The following STPG1 variants were observed in gnomAD, a reference collection of about 807,000 sequenced individuals.
STPG1 encodes the protein O(6)-methylguanine-induced apoptosis 2.
A neutral mutation model predicts 40.1 loss-of-function variants in STPG1; 33 were observed. That is an observed-to-expected ratio of 0.82 (90% CI 0.62 to 1.10). The LOEUF is 1.10. Ranked by LOEUF, STPG1 falls within the 50% of genes least tolerant of loss-of-function variation. The probability of loss-of-function intolerance (pLI) is 0.00; values close to 1 mark genes in which losing one functional copy is unlikely to be tolerated. For missense variants in STPG1, 396 were observed against 415.1 expected, an observed-to-expected ratio of 0.95 and a Z score of 0.40; for synonymous variants, 150 against 155.0, an observed-to-expected ratio of 0.97 and a Z score of 0.24.
At chr1:24,411,322 A>T (rs569427910) in intron 1 of STPG1, among the ~76,000 whole-genome samples, 3 of 152,228 alleles carry the variant, frequency 2.0e-5, no homozygotes, top group South Asian at 4.1e-4. Context: ...CAGGCTTTGA[A>T]CTCAGGAAGT....
Position 24,401,304 on chromosome 1 carries a change from C to CA in STPG1, c.70+14dup, listed in dbSNP as rs1368224852. 6 of 1,613,162 alleles carry CA rather than the reference C, an allele frequency of 3.7e-6. No individual in the cohort carries two copies. The Admixed American group carries it at 1.0e-4, about 27-fold the overall frequency. On this transcript the variant is annotated intron_variant, in intron 2 of 8. Transcript: ENST00000337248. ...TATGTCAGGAGCTATCTCCTCCCTG[C>CA]AAAGACACATGTACCTTTCTGTACT...
rs753029181 is a variant in STPG1 at position 24,401,336 on chromosome 1, G to A, written c.53C>T (p.Ala18Val). The part of the protein sequence containing the change: ...NERTGKHPRR[A>V]SEVQKGFTAA... The stretch of plus-strand genomic sequence containing the variant: ...ACATGTACCTTTCTGTACTTCACTG[G>A]CACGTCTGGGATGTTTGCCAGTGCG... Residue 18 changes from alanine (A) to valine (V), a missense_variant, in exon 2 of 9, where the codon GCC becomes GTC. Ala to Val is a moderately conservative substitution (Grantham distance 64, BLOSUM62 0). Coordinates refer to ENST00000337248, the MANE Select transcript of STPG1 (RefSeq NM_001199013.2). 11 of 1,613,946 alleles carry A rather than the reference G, an allele frequency of 6.8e-6. No individual in the cohort carries two copies. The East Asian group carries it at 2.4e-4, about 36-fold the overall frequency.
intron 6 of STPG1, among the ~76,000 whole-genome samples, chr1:24,370,211 A>T (rs1280095811): frequency 6.6e-6 from 1 of 152,234 alleles, no homozygotes. Context: ...CTATAAACTA[A>T]GAATAATAAT....
At position 24,358,569 on chromosome 1, in the gene STPG1, C is replaced by T; in HGVS notation, c.979G>A (p.Asp327Asn). ...TACAGAACCGGGATCCATTTCTTGT[C>T]CTCGTTGTAGAGGAAGGACTGCTTT... is the stretch of plus-strand genomic sequence containing the variant. Reference protein sequence around the residue: ...PGKQSFLYNEDKKWIPVL With the variant: ...PGKQSFLYNENKKWIPVL The change falls in exon 9 of 9, where the codon GAC (aspartate) becomes AAC (asparagine). Residue 327 changes from aspartate to asparagine, a missense_variant. Asp to Asn is a conservative substitution (Grantham distance 23, BLOSUM62 1). Transcript: ENST00000337248. 1 of 1,614,120 alleles carries T rather than the reference C, an allele frequency of 6.2e-7. No individual in the cohort carries two copies. Among genetic ancestry groups the T allele is most frequent in the Non-Finnish European group, 8.5e-7 (1 of 1,179,980 alleles).
chr1:24,379,590 T>G, intron 5 of STPG1, 63 bp downstream of exon 5: 5 of 1,563,292 alleles, frequency 3.2e-6, no homozygotes, highest in Non-Finnish European at 4.4e-6. Flanking sequence ...GATCCCCTCT[T>G]CCTTTTATTT....
chr1:24,362,288 C>T (rs1371244166), intron 7 of STPG1, among the ~76,000 whole-genome samples: 5 of 152,180 alleles, frequency 3.3e-5, no homozygotes, highest in Non-Finnish European at 5.9e-5. Context: ...TCCGGAGAGA[C>T]AAAGTAACCG....
rs1640805474 is a variant in STPG1 at position 24,357,565 on chromosome 1, T to C, written c.*978A>G. 6.4e-6 allele frequency: 1 copy of C among 155,660 alleles called. No homozygotes were observed. The highest frequency in any genetic ancestry group is 1.4e-5 in the Non-Finnish European group (1 of 69,766). 9.6% of individuals were successfully genotyped at this position (155,660 alleles called of 1,614,324 possible). On this transcript the variant is annotated 3_prime_UTR_variant, in exon 9 of 9. Coordinates refer to ENST00000337248, the MANE Select transcript of STPG1 (RefSeq NM_001199013.2). ...GTGTGCAGTCAAGGCTGAGAACCAC[T>C]TCTCTGGAGAGGCCACAGTTGTACA...
intron 2 of STPG1, among the ~76,000 whole-genome samples, chr1:24,396,391 C>T (rs1223393346): frequency 6.6e-6 from 1 of 152,076 alleles, no homozygotes; most frequent in African/African-American, 2.4e-5. Flanking sequence ...TTCATTGCAG[C>T]CTTGACCTCC....
intron 3 of STPG1, among the ~76,000 whole-genome samples, chr1:24,389,495 T>G (rs963961579): frequency 2.6e-4 from 40 of 152,122 alleles, no homozygotes; most frequent in African/African-American, 9.7e-4. Flanking sequence ...AACATTTACT[T>G]TGAGCCTCTT....
intron 3 of STPG1, 58 bp downstream of exon 3, chr1:24,391,503 G>T: frequency 8.9e-7 from 1 of 1,117,630 alleles, no homozygotes; most frequent in Non-Finnish European, 1.3e-6. Flanking sequence ...GAACGTGCCT[G>T]TCCCGCAAGG....
At chr1:24,386,970 G>A (rs1400057114) in intron 3 of STPG1, among the ~76,000 whole-genome samples, 1 of 152,042 alleles carries the variant, frequency 6.6e-6, no homozygotes, top group African/African-American at 2.4e-5. Flanking sequence ...CACATAAAGT[G>A]GGTGGAACAG....
At chr1:24,409,168 T>C (rs1643520674) in intron 1 of STPG1, among the ~76,000 whole-genome samples, 1 of 152,094 alleles carries the variant, frequency 6.6e-6, no homozygotes, top group South Asian at 2.1e-4. Context: ...ATGACCAGCC[T>C]GGGAAACATG....
In STPG1 at chr1:24,357,447, C is replaced by A. The variant is rs1174064974; in HGVS notation, c.*1096G>T. 1 of 152,580 alleles carries A rather than the reference C, an allele frequency of 6.6e-6. No homozygotes were observed. The highest frequency in any genetic ancestry group is 6.5e-5 in the Admixed American group (1 of 15,294). 9.5% of individuals were successfully genotyped at this position (152,580 alleles called of 1,614,324 possible). Reference sequence around the variant, plus strand: ...GAATCACCTGGGTGGCTCCTGCCTCCCCACTGCCCAGACCCCACCCTGGAG... The same window carrying A: ...GAATCACCTGGGTGGCTCCTGCCTCACCACTGCCCAGACCCCACCCTGGAG... On this transcript the variant is annotated 3_prime_UTR_variant, in exon 9 of 9. Transcript: ENST00000337248.
At chr1:24,382,969 T>C (rs1451115811) in intron 4 of STPG1, among the ~76,000 whole-genome samples, 1 of 146,312 alleles carries the variant, frequency 6.8e-6, no homozygotes, top group East Asian at 2.0e-4. Flanking sequence ...TGGAGTGTGA[T>C]GGTGAAATCA....
intron 3 of STPG1, among the ~76,000 whole-genome samples, chr1:24,386,913 A>T (rs890692032): frequency 4.6e-5 from 7 of 152,220 alleles, no homozygotes; most frequent in African/African-American, 1.7e-4. Context: ...AGCCCTACCC[A>T]CTGTCTCCTT....
intron 1 of STPG1, among the ~76,000 whole-genome samples, chr1:24,412,538 T>TA (rs1643740532): frequency 6.6e-6 from 1 of 152,166 alleles, no homozygotes; most frequent in Admixed American, 6.5e-5. Context: ...CAACTCTGAA[T>TA]CTTCAGTCTA....
chr1:24,413,402 G>A (rs1412118970), intron 1 of STPG1, among the ~76,000 whole-genome samples: 2 of 152,158 alleles, frequency 1.3e-5, no homozygotes, highest in African/African-American at 4.8e-5. Context: ...AGGGTCGGAC[G>A]CCCACGCCCC....
Position 24,394,281 on chromosome 1 carries a change from A to G in STPG1, c.71-2602T>C, listed in dbSNP as rs533940111. Among the ~76,000 whole-genome samples, 5 of 152,366 alleles carry G rather than the reference A, an allele frequency of 3.3e-5. No individual in the cohort carries two copies. In the South Asian group the frequency reaches 8.3e-4, roughly 25 times the overall value. On this transcript the variant is annotated intron_variant, in intron 2 of 8. Coordinates refer to ENST00000337248, the MANE Select transcript of STPG1 (RefSeq NM_001199013.2). ...AATGGGGCAAAATTACCCCTAGACT[A>G]AATACTGCTCTGGTTCCAGCTAACA...
chr1:24,394,743 T>C (rs1048542922), intron 2 of STPG1, among the ~76,000 whole-genome samples: 3 of 151,998 alleles, frequency 2.0e-5, no homozygotes, highest in Non-Finnish European at 4.4e-5. Context: ...AAAAAAAGAT[T>C]AGTAAACTTG....
Sources: gnomAD v4.1 joint callset for allele counts (sites outside exome capture counted in the v4.1 genomes callset) on GRCh38, gnomAD v4.1.1 for gene constraint, MANE v1.5 for transcripts, NCBI Gene and HGNC (gene_info 2026-07-23, HGNC 2026-07-21) for gene names.